The following ZPBP variants were observed in gnomAD, a reference collection of about 807,000 sequenced individuals.
ZPBP encodes zona pellucida binding protein, also known as zona pellucida-binding protein 1.
ZPBP carries 26 observed loss-of-function variants against 44.8 expected under a neutral mutation model. The ratio of observed to expected loss-of-function variants is 0.58; its 90% CI spans 0.43 to 0.81. ZPBP has a LOEUF of 0.81. ZPBP is among the 30% of genes least tolerant of loss of function. The pLI is 0.00. For missense variants in ZPBP, 409 were observed against 434.0 expected (o/e 0.94, Z 0.51); for synonymous variants, 174 against 153.2 (o/e 1.14, Z -1.00).
chr7:49,911,779 C>T lies in ZPBP; in HGVS notation n.412-10564G>A, dbSNP rs1367424475. ...GGGTATAGTGGCATGCCCCTGTAAT[C>T]CTAGCTACTTGAAAGGCTGAGGCAG... On this transcript the variant is annotated intron_variant and non_coding_transcript_variant, in intron 1 of 2. Transcript: ENST00000465922. Among the ~76,000 whole-genome samples the T allele has an allele frequency of 2.0e-5, 3 of 151,790 alleles. No homozygotes were observed. The East Asian group carries it at 5.8e-4, about 30-fold the overall frequency.
chr7:49,999,694 A>C (rs1352043264), intron 6 of ZPBP, among the ~76,000 whole-genome samples: 1 of 79,096 alleles, frequency 1.3e-5, no homozygotes, highest in Non-Finnish European at 2.7e-5. Flanking sequence ...TCAAACAGAA[A>C]CAAATCCTCC....
chr7:50,081,776 GA>G lies in ZPBP; in HGVS notation c.331del (p.Ser111GlnfsTer2), dbSNP rs1347256153. On this transcript the variant is annotated frameshift_variant, in exon 3 of 8. Transcript: ENST00000046087. LOFTEE classifies it high-confidence loss of function. ...CAATAATTGAAACAAAATCCTACCTGAAACAACTTTTCCTTTAGGCCCATAC... is the reference window on the plus strand; with the variant it reads ...CAATAATTGAAACAAAATCCTACCTGAACAACTTTTCCTTTAGGCCCATAC... ...QWYGPKGKVVSVENRTAQITS... is the reference protein window; with the variant it reads ...QWYGPKGKVVXVENRTAQITS... 4.3e-6 allele frequency: 7 copies of G among 1,610,850 alleles called. No homozygotes were observed. Among genetic ancestry groups the G allele is most frequent in the Admixed American group, 1.7e-5 (1 of 59,760 alleles).
At chr7:50,074,788 AAGAG>A (rs946467620) in intron 3 of ZPBP, among the ~76,000 whole-genome samples, 2 of 151,798 alleles carry the variant, frequency 1.3e-5, no homozygotes, top group South Asian at 2.1e-4. Flanking sequence ...ATTAGAGCTA[AAGAG>A]AGAGAGAGGC....
chr7:50,049,398 A>G (rs1386189689), intron 4 of ZPBP, among the ~76,000 whole-genome samples: 2 of 152,084 alleles, frequency 1.3e-5, no homozygotes, highest in African/African-American at 4.8e-5. Flanking sequence ...CACAAATGCA[A>G]AAATTCCCAA....
intron 1 of ZPBP, among the ~76,000 whole-genome samples, chr7:50,090,376 C>T (rs1374550710): frequency 6.6e-6 from 1 of 151,912 alleles, no homozygotes; most frequent in Non-Finnish European, 1.5e-5. Flanking sequence ...TGAGTTACTT[C>T]ACTTAGAATA....
At chr7:49,883,203 C>T (rs1214045954) in intron 2 of ZPBP, among the ~76,000 whole-genome samples, 1 of 152,000 alleles carries the variant, frequency 6.6e-6, no homozygotes, top group Non-Finnish European at 1.5e-5. Context: ...GCAATGAAGT[C>T]GACTGACCCG....
intron 1 of ZPBP, 124 bp from the exon 2 acceptor site, chr7:50,089,833 A>G (rs1382910499): frequency 2.7e-6 from 2 of 745,414 alleles, no homozygotes; most frequent in Non-Finnish European, 4.7e-6. Flanking sequence ...CTGACAGTTG[A>G]TATCACTGTT....
At chr7:49,923,889 C>G (rs1013299565) in intron 1 of ZPBP, among the ~76,000 whole-genome samples, 2 of 152,118 alleles carry the variant, frequency 1.3e-5, no homozygotes, top group African/African-American at 4.8e-5. Flanking sequence ...TTTGGGAGGC[C>G]AAGGCAGGTG....
intron 1 of ZPBP, chr7:49,914,541 T>C (rs1793619097): frequency 6.6e-6 from 1 of 152,136 alleles, no homozygotes; most frequent in East Asian, 1.9e-4. Context: ...CTCATAGAAA[T>C]AATGCATAAA....
At chr7:50,033,968 C>T (rs755129819) in intron 4 of ZPBP, among the ~76,000 whole-genome samples, 8 of 152,104 alleles carry the variant, frequency 5.3e-5, no homozygotes, top group Non-Finnish European at 1.2e-4. Flanking sequence ...GCTGGGATTA[C>T]AGGTGTAAGC....
At chr7:50,081,019 C>T (rs555739787) in intron 3 of ZPBP, among the ~76,000 whole-genome samples, 12 of 151,788 alleles carry the variant, frequency 7.9e-5, no homozygotes, top group African/African-American at 2.9e-4. Context: ...AACATAAATA[C>T]CACAGAAACA....
intron 6 of ZPBP, among the ~76,000 whole-genome samples, chr7:50,009,270 GT>G (rs1798462266): frequency 6.7e-6 from 1 of 148,162 alleles, no homozygotes; most frequent in African/African-American, 2.5e-5. Flanking sequence ...GATTGGGTAT[GT>G]TTTGTAAATT....
intron 2 of ZPBP, among the ~76,000 whole-genome samples, chr7:50,083,682 G>T (rs1183116524): frequency 1.3e-5 from 2 of 151,796 alleles, no homozygotes; most frequent in Non-Finnish European, 2.9e-5. Context: ...AATCAAATTG[G>T]CATAAATAAC....
chr7:49,847,201 G>T (rs971928814), downstream of ZPBP, among the ~76,000 whole-genome samples: 1 of 149,852 alleles, frequency 6.7e-6, no homozygotes, highest in Non-Finnish European at 1.5e-5. Flanking sequence ...ACACAAAAAT[G>T]TGTGAACCTA....
At chr7:50,044,959 G>C (rs895873109) in intron 4 of ZPBP, among the ~76,000 whole-genome samples, 3 of 152,168 alleles carry the variant, frequency 2.0e-5, no homozygotes, top group Non-Finnish European at 4.4e-5. Context: ...CCACGATCAA[G>C]TCAGCTTCAA....
intron 4 of ZPBP, among the ~76,000 whole-genome samples, chr7:50,043,666 G>A (rs577952183): frequency 1.3e-5 from 2 of 152,318 alleles, no homozygotes; most frequent in South Asian, 2.1e-4. Context: ...GGAGCACTCA[G>A]ATTCATAAAG....
At chr7:50,043,031 G>A (rs1685502085) in intron 4 of ZPBP, among the ~76,000 whole-genome samples, 1 of 152,100 alleles carries the variant, frequency 6.6e-6, no homozygotes, top group African/African-American at 2.4e-5. Flanking sequence ...CCAGAATGAG[G>A]GCAAGGAACA....
At chr7:50,057,354 C>G (rs1800999769) in intron 4 of ZPBP, among the ~76,000 whole-genome samples, 1 of 152,126 alleles carries the variant, frequency 6.6e-6, no homozygotes, top group African/African-American at 2.4e-5. Context: ...CAAAGAGACA[C>G]AGAAGCAGTC....
intron 1 of ZPBP, chr7:49,916,259 T>G (rs1793719279): frequency 6.6e-6 from 1 of 152,204 alleles, no homozygotes; most frequent in African/African-American, 2.4e-5. Context: ...ACTGGTGTCT[T>G]CACAATTAGA....
Sources: allele counts gnomAD v4.1 joint callset (sites outside exome capture counted in the v4.1 genomes callset), GRCh38; gene constraint gnomAD v4.1.1; transcripts MANE v1.5; gene names NCBI Gene and HGNC (gene_info 2026-07-23, HGNC 2026-07-21).